Variants in DLG2 observed in about 807,000 individuals in gnomAD.
The protein encoded by DLG2 is disks large homolog 2.
A neutral mutation model predicts 132.5 loss-of-function variants in DLG2; 45 were observed. That is an observed-to-expected ratio of 0.34 (90% CI 0.27 to 0.44). The LOEUF (loss-of-function observed/expected upper bound fraction) is 0.44, where lower values mean the gene tolerates loss of function less well. Ranked by LOEUF, DLG2 falls within the 20% of genes least tolerant of loss-of-function variation. The pLI is 1.00. For synonymous variants in DLG2, 424 were observed against 419.6 expected (o/e 1.01, Z -0.13); for missense variants, 1,045 against 1,196.9 (o/e 0.87, Z 1.87).
At chr11:83,869,900 G>A (rs1175924063) in intron 16 of DLG2, among the ~76,000 whole-genome samples, 1 of 152,236 alleles carries the variant, frequency 6.6e-6, no homozygotes, top group Middle Eastern at 3.4e-3. Flanking sequence ...ACCTTGTAAG[G>A]TAACATAAAG....
intron 6 of DLG2, among the ~76,000 whole-genome samples, chr11:84,802,799 CT>C (rs1482760073): frequency 1.3e-5 from 2 of 152,114 alleles, no homozygotes; most frequent in Admixed American, 6.5e-5. Flanking sequence ...CTCATCTTTT[CT>C]TTTCTTTCTT....
intron 4 of DLG2, among the ~76,000 whole-genome samples, chr11:85,244,664 A>G (rs987795757): frequency 2.0e-5 from 3 of 152,000 alleles, no homozygotes; most frequent in African/African-American, 7.2e-5. Flanking sequence ...GTGTTTGGAT[A>G]CAGCACTAAG....
chr11:85,423,514 T>G (rs2090481044), intron 3 of DLG2, among the ~76,000 whole-genome samples: 1 of 152,052 alleles, frequency 6.6e-6, no homozygotes, highest in Non-Finnish European at 1.5e-5. Flanking sequence ...CCCTTTGTCT[T>G]CAGTTAACAG....
chr11:84,229,747 G>T (rs1440534125), intron 8 of DLG2, among the ~76,000 whole-genome samples: 1 of 152,068 alleles, frequency 6.6e-6, no homozygotes, highest in East Asian at 1.9e-4. Flanking sequence ...CTTGACCTTG[G>T]CCACATTAGT....
intron 3 of DLG2, among the ~76,000 whole-genome samples, chr11:85,541,469 T>C (rs1383236751): frequency 6.6e-6 from 1 of 150,980 alleles, no homozygotes; most frequent in Admixed American, 6.6e-5. Flanking sequence ...ATGAGTATTA[T>C]TATTTATGAA....
At chr11:84,683,381 C>T (rs1352502472) in intron 6 of DLG2, among the ~76,000 whole-genome samples, 1 of 152,132 alleles carries the variant, frequency 6.6e-6, no homozygotes, top group Non-Finnish European at 1.5e-5. Flanking sequence ...GTAATCTTGC[C>T]TGTATGTACC....
At chr11:84,940,650 T>G (rs748490727) in intron 6 of DLG2, among the ~76,000 whole-genome samples, 2 of 152,230 alleles carry the variant, frequency 1.3e-5, no homozygotes, top group African/African-American at 4.8e-5. Flanking sequence ...AATGGGTAGT[T>G]TGCAAACATT....
intron 6 of DLG2, among the ~76,000 whole-genome samples, chr11:85,061,811 A>G (rs1437347028): frequency 1.3e-5 from 2 of 151,876 alleles, no homozygotes; most frequent in Non-Finnish European, 2.9e-5. Context: ...TATACAAAAT[A>G]ACTAAGGATT....
intron 19 of DLG2, among the ~76,000 whole-genome samples, chr11:83,612,055 A>G (rs11233694): frequency 0.2 from 30,940 of 151,940 alleles, 3,325 homozygotes; most frequent in African/African-American, 0.25. Context: ...ACTAGAGGAA[A>G]GAGTTTAATT....
intron 11 of DLG2, among the ~76,000 whole-genome samples, chr11:84,055,541 A>G (rs1274124584): frequency 2.0e-5 from 3 of 152,202 alleles, no homozygotes; most frequent in Admixed American, 2.0e-4. Context: ...TAATTTTCAT[A>G]TTATTAGACT....
At chr11:83,708,957 T>A (rs1251408643) in intron 18 of DLG2, among the ~76,000 whole-genome samples, 1 of 152,160 alleles carries the variant, frequency 6.6e-6, no homozygotes, top group African/African-American at 2.4e-5. Flanking sequence ...CTGTTTTTCA[T>A]AGTCTCTAGT....
At chr11:85,130,607 A>C (rs1285619677) in intron 5 of DLG2, among the ~76,000 whole-genome samples, 1 of 152,248 alleles carries the variant, frequency 6.6e-6, no homozygotes, top group Non-Finnish European at 1.5e-5. Context: ...CCAGTCTCAC[A>C]TAAAGCTTCT....
At chr11:84,773,620 A>G (rs2069824343) in intron 6 of DLG2, among the ~76,000 whole-genome samples, 1 of 152,194 alleles carries the variant, frequency 6.6e-6, no homozygotes. Flanking sequence ...GGTTCCACAT[A>G]TGCAAACCCA....
intron 18 of DLG2, among the ~76,000 whole-genome samples, chr11:83,728,573 T>C (rs1475244718): frequency 6.6e-6 from 1 of 152,242 alleles, no homozygotes; most frequent in African/African-American, 2.4e-5. Context: ...CCTGCAATGT[T>C]TTGGATCCTT....
intron 6 of DLG2, among the ~76,000 whole-genome samples, chr11:84,647,272 T>C (rs1486078267): frequency 1.3e-5 from 2 of 152,120 alleles, no homozygotes; most frequent in Non-Finnish European, 2.9e-5. Flanking sequence ...TCAGACATCT[T>C]TGTGTACATA....
intron 16 of DLG2, among the ~76,000 whole-genome samples, chr11:83,837,225 T>A (rs933753086): frequency 1.3e-5 from 2 of 152,056 alleles, no homozygotes; most frequent in Admixed American, 1.3e-4. Context: ...CTGGTTCCCA[T>A]CAATATTAGG....
intron 6 of DLG2, among the ~76,000 whole-genome samples, chr11:85,090,217 A>T (rs2068543148): frequency 6.6e-6 from 1 of 152,210 alleles, no homozygotes; most frequent in Non-Finnish European, 1.5e-5. Flanking sequence ...AACAAAAAAC[A>T]AACAAACAAA....
At chr11:83,671,325 T>C (rs555232307) in intron 18 of DLG2, among the ~76,000 whole-genome samples, 1 of 152,328 alleles carries the variant, frequency 6.6e-6, no homozygotes, top group East Asian at 1.9e-4. Flanking sequence ...TAGATGAATG[T>C]AGGGGAAATC....
chr11:85,537,092 G>A (rs139404885), intron 3 of DLG2, among the ~76,000 whole-genome samples: 41 of 152,272 alleles, frequency 2.7e-4, no homozygotes, highest in African/African-American at 8.7e-4. Context: ...CTTGGAGAAC[G>A]TTTGCGTCTA....
Sources: gnomAD v4.1 joint callset for allele counts (sites outside exome capture counted in the v4.1 genomes callset) on GRCh38, gnomAD v4.1.1 for gene constraint, MANE v1.5 for transcripts, NCBI Gene and HGNC (gene_info 2026-07-23, HGNC 2026-07-21) for gene names.